The following OR51B5 variants were observed in gnomAD, a reference collection of about 807,000 sequenced individuals.
OR51B5 encodes olfactory receptor family 51 subfamily B member 5.
For synonymous variants in OR51B5, 186 were observed against 144.8 expected (o/e 1.28, Z -2.04); for missense variants, 456 against 374.6 (o/e 1.22, Z -1.79).
At chr11:5,368,232 T>TTA (rs1849401501) in intron 1 of OR51B5, among the ~76,000 whole-genome samples, 1 of 152,222 alleles carries the variant, frequency 6.6e-6, no homozygotes, top group Non-Finnish European at 1.5e-5. Context: ...TCATACAGTC[T>TTA]TATGCAGTAG....
At chr11:5,374,427 T>C (rs889534494) in intron 1 of OR51B5, among the ~76,000 whole-genome samples, 105 of 152,116 alleles carry the variant, frequency 6.9e-4, no homozygotes, top group East Asian at 1.9e-4. Flanking sequence ...CAGAGCACCT[T>C]TCCTCCTCCA....
chr11:5,485,284 C>G (rs1851482805), intron 1 of OR51B5, among the ~76,000 whole-genome samples: 1 of 152,138 alleles, frequency 6.6e-6, no homozygotes, highest in African/African-American at 2.4e-5. Flanking sequence ...CTAAGTGCAT[C>G]AAAAAGAAGG....
At chr11:5,448,597 GT>G (rs1355092744) in intron 1 of OR51B5, among the ~76,000 whole-genome samples, 2 of 152,154 alleles carry the variant, frequency 1.3e-5, no homozygotes, top group East Asian at 1.9e-4. Context: ...TGGAGAACAA[GT>G]AAAAAATGAG....
intron 1 of OR51B5, among the ~76,000 whole-genome samples, chr11:5,424,447 C>T (rs2133763170): frequency 6.6e-6 from 1 of 152,250 alleles, no homozygotes; most frequent in Non-Finnish European, 1.5e-5. Flanking sequence ...TCCCAGGTCA[C>T]CACACAGGAA....
rs557345559 is a variant in OR51B5, at chr11:5,481,894, T to C, written n.84+23675A>G. Among the ~76,000 whole-genome samples, 228 of 141,274 alleles carry C rather than the reference T, an allele frequency of 1.6e-3. 9 individuals are homozygous for C. Among genetic ancestry groups the C allele is most frequent in the African/African-American group, 6.2e-3 (216 of 34,706 alleles). 92.7% of individuals were successfully genotyped at this position (141,274 alleles called of 152,430 possible). A position where few individuals can be genotyped will look rare whatever the true frequency, so the allele number is the denominator to read the frequency against. ...TGAAAGAACATTCCATGCTCACGGG[T>C]AGGAAGAATCAATATCATGAAAATG... On this transcript the variant is annotated intron_variant and non_coding_transcript_variant, in intron 1 of 4. Coordinates refer to the OR51B5 transcript ENST00000415970.
chr11:5,406,567 T>C (rs542513760), intron 1 of OR51B5, among the ~76,000 whole-genome samples: 7 of 152,308 alleles, frequency 4.6e-5, no homozygotes, highest in African/African-American at 1.7e-4. Flanking sequence ...GACAAAGTTA[T>C]AAGTCGTTAT....
At chr11:5,412,917 T>A (rs1434805262) in intron 1 of OR51B5, among the ~76,000 whole-genome samples, 3 of 151,954 alleles carry the variant, frequency 2.0e-5, no homozygotes, top group Non-Finnish European at 4.4e-5. Flanking sequence ...AATGTCCCTG[T>A]CTGACAGCCT....
intron 1 of OR51B5, among the ~76,000 whole-genome samples, chr11:5,443,142 G>T (rs991040947): frequency 3.3e-5 from 5 of 152,034 alleles, no homozygotes; most frequent in African/African-American, 1.2e-4. Context: ...TATTTTCATG[G>T]TATTTGATAT....
At chr11:5,477,888 G>C (rs534344642) in intron 1 of OR51B5, among the ~76,000 whole-genome samples, 1 of 152,052 alleles carries the variant, frequency 6.6e-6, no homozygotes, top group Admixed American at 6.5e-5. Context: ...CTGATTGCTA[G>C]CACAGCAGTC....
intron 1 of OR51B5, among the ~76,000 whole-genome samples, chr11:5,376,926 C>T (rs9704024): frequency 0.58 from 85,748 of 147,394 alleles, 25,180 homozygotes; most frequent in South Asian, 0.71. Flanking sequence ...TTCCAATCAA[C>T]AGAAAAAGAA....
At chr11:5,471,590 C>CGCACCATT (rs546689119) in intron 1 of OR51B5, among the ~76,000 whole-genome samples, 102 of 149,386 alleles carry the variant, frequency 6.8e-4, no homozygotes, top group African/African-American at 2.4e-3. Context: ...GAGCTGAGAT[C>CGCACCATT]GCACCATTGC....
chr11:5,431,026 T>C (rs779914354), intron 1 of OR51B5: 5 of 457,110 alleles, frequency 1.1e-5, no homozygotes, highest in South Asian at 6.2e-5. Flanking sequence ...GAGTTTAGTA[T>C]CTGCACAAGG....
intron 1 of OR51B5, among the ~76,000 whole-genome samples, chr11:5,424,955 C>G (rs1196678711): frequency 2.2e-5 from 2 of 91,138 alleles, no homozygotes; most frequent in East Asian, 2.3e-4. Flanking sequence ...GCACTCCAGC[C>G]TGGGCGACAG....
intron 1 of OR51B5, among the ~76,000 whole-genome samples, chr11:5,356,904 T>C (rs986472465): frequency 6.7e-6 from 1 of 149,440 alleles, no homozygotes; most frequent in East Asian, 1.9e-4. Flanking sequence ...AGAAATAAAA[T>C]ACTTTACAGA....
At chr11:5,372,950 T>C (rs1420285388) in intron 1 of OR51B5, among the ~76,000 whole-genome samples, 4 of 152,280 alleles carry the variant, frequency 2.6e-5, no homozygotes, top group Admixed American at 2.0e-4. Context: ...ACCAAAAAAG[T>C]ATGGTACTAT....
rs557846323 is a variant in OR51B5 at position 5,415,505 on chromosome 11, T to A, written n.85-68595A>T. ...TCCAGGAGCTGGTTTCTTGAAAGGA[T>A]CAACAAAATTCATAGACAGCTAGCA... On this transcript the variant is annotated intron_variant and non_coding_transcript_variant, in intron 1 of 4. Transcript: ENST00000415970. 4.7e-4 allele frequency among the ~76,000 whole-genome samples: 71 copies of A among 151,396 alleles called. 3 individuals are homozygous for A. In the South Asian group the frequency reaches 0.014, roughly 30 times the overall value.
intron 1 of OR51B5, among the ~76,000 whole-genome samples, chr11:5,414,413 A>T (rs1850202692): frequency 6.7e-6 from 1 of 149,790 alleles, no homozygotes; most frequent in African/African-American, 2.4e-5. Context: ...TAATGACAGG[A>T]TCAAATTCAC....
rs779170296 is a variant in OR51B5 at position 5,390,245 on chromosome 11, G to A, written n.85-43335C>T. 9.9e-6 allele frequency: 16 copies of A among 1,613,982 alleles called. No homozygotes were observed. The Admixed American group carries it at 2.5e-4, about 25-fold the overall frequency. ...CCGTTTTGGGAAGCATGCCCCACCT[G>A]CTATTCATCTTCTTATGGCCAATGT... is the stretch of plus-strand genomic sequence containing the variant. On this transcript the variant is annotated intron_variant and non_coding_transcript_variant, in intron 1 of 4. Coordinates refer to the OR51B5 transcript ENST00000415970.
chr11:5,464,458 C>T (rs547611908), intron 1 of OR51B5, among the ~76,000 whole-genome samples: 303 of 136,154 alleles, frequency 2.2e-3, no homozygotes, highest in African/African-American at 7.6e-3. Context: ...CACCATAGTC[C>T]CCAGAGTGTG....
Sources: allele counts gnomAD v4.1 joint callset (sites outside exome capture counted in the v4.1 genomes callset), GRCh38; gene constraint gnomAD v4.1.1; transcripts MANE v1.5; gene names NCBI Gene and HGNC (gene_info 2026-07-23, HGNC 2026-07-21).